TEC: variants seen among roughly 807,000 people sequenced by gnomAD.
TEC encodes the protein tec protein tyrosine kinase, also known as tyrosine-protein kinase Tec.
A neutral mutation model predicts 93.0 loss-of-function variants in TEC; 72 were observed. The observed-to-expected ratio is 0.77, with a 90% CI of 0.64 to 0.94. The LOEUF (loss-of-function observed/expected upper bound fraction) is 0.94, where lower values mean the gene tolerates loss of function less well. TEC is among the 40% of genes least tolerant of loss of function. The probability of loss-of-function intolerance (pLI) is 0.00; values close to 1 mark genes in which losing one functional copy is unlikely to be tolerated. For missense variants in TEC, 630 were observed against 757.9 expected (o/e 0.83, Z 1.98); for synonymous variants, 249 against 247.7 (o/e 1.01, Z -0.05).
At chr4:48,237,623 T>C (rs1265022157) in intron 1 of TEC, among the ~76,000 whole-genome samples, 3 of 152,308 alleles carry the variant, frequency 2.0e-5, no homozygotes, top group East Asian at 1.9e-4. Context: ...CTCATCTTAT[T>C]AGGTTAAGTC....
intron 1 of TEC, among the ~76,000 whole-genome samples, chr4:48,231,782 C>A (rs1006715996): frequency 1.3e-5 from 2 of 151,916 alleles, no homozygotes; most frequent in African/African-American, 4.8e-5. Context: ...AGAATGGATA[C>A]CAGGGAAGAG....
Position 48,173,783 on chromosome 4 carries a change from C to T in TEC, c.243+2299G>A, listed in dbSNP as rs181461969. On this transcript the variant is annotated intron_variant, in intron 3 of 17. Coordinates refer to ENST00000381501, the MANE Select transcript of TEC (RefSeq NM_003215.3). ...AAGGTAGACAGATCTGGGTTTGAAG[C>T]CCAGGGAAGACATGCCAGCTCCTGG... Among the ~76,000 whole-genome samples the T allele has an allele frequency of 5.3e-5, 8 of 152,234 alleles. No homozygotes were observed. In the East Asian group the frequency reaches 9.7e-4, roughly 18 times the overall value.
chr4:48,250,062 C>T (rs1724161814), intron 1 of TEC, among the ~76,000 whole-genome samples: 1 of 152,210 alleles, frequency 6.6e-6, no homozygotes, highest in African/African-American at 2.4e-5. Flanking sequence ...TTCTCCAGAA[C>T]CTCAGATTGC....
intron 1 of TEC, among the ~76,000 whole-genome samples, chr4:48,258,484 G>T (rs1724404790): frequency 6.6e-6 from 1 of 152,018 alleles, no homozygotes; most frequent in African/African-American, 2.4e-5. Context: ...ATAGACTTGA[G>T]ATCAACTGTT....
chr4:48,165,727 A>G, intron 7 of TEC, among the ~76,000 whole-genome samples: 1 of 152,352 alleles, frequency 6.6e-6, no homozygotes, highest in East Asian at 1.9e-4. Flanking sequence ...GGCTCATTTT[A>G]GTGTTAAATG....
At chr4:48,141,665 C>CT (rs146623960) in intron 14 of TEC, 88,421 of 291,012 alleles carry the variant, frequency 0.3, 11,466 homozygotes, top group Admixed American at 0.41. Flanking sequence ...TACCAATTGT[C>CT]TTTTTTTTTT....
chr4:48,266,160 C>T (rs1724634186), intron 1 of TEC, among the ~76,000 whole-genome samples: 1 of 152,246 alleles, frequency 6.6e-6, no homozygotes, highest in African/African-American at 2.4e-5. Context: ...TTTCAGGCAT[C>T]TACAGTCTCA....
chr4:48,164,641 G>A (rs1376093694), intron 7 of TEC, among the ~76,000 whole-genome samples: 1 of 152,156 alleles, frequency 6.6e-6, no homozygotes, highest in African/African-American at 2.4e-5. Context: ...CAGCAGTTAA[G>A]ATCTTAGCAT....
rs1720925588 is a variant in TEC, at chr4:48,167,720, C to A, written c.671+58G>T. The A allele has an allele frequency of 2.0e-6, 3 of 1,531,470 alleles. No individual in the cohort carries two copies. In the Admixed American group the frequency reaches 5.2e-5, roughly 26 times the overall value. 94.9% of individuals were successfully genotyped at this position (1,531,470 alleles called of 1,614,324 possible). A position where few individuals can be genotyped will look rare whatever the true frequency, so the allele number is the denominator to read the frequency against. ...ATAGTTACGACTTATCTACTTCTCA[C>A]TCAACACTTGACTCCCACCTACCCA... On this transcript the variant is annotated intron_variant, in intron 7 of 17. Coordinates refer to ENST00000381501, the MANE Select transcript of TEC (RefSeq NM_003215.3).
At chr4:48,206,406 C>T (rs1319228944) in intron 2 of TEC, among the ~76,000 whole-genome samples, 6 of 152,116 alleles carry the variant, frequency 3.9e-5, no homozygotes, top group African/African-American at 1.4e-4. Context: ...ACAAAGCACA[C>T]ACAGATGAGC....
chr4:48,189,998 A>T (rs578205323), intron 2 of TEC, among the ~76,000 whole-genome samples: 58 of 152,298 alleles, frequency 3.8e-4, no homozygotes, highest in African/African-American at 1.3e-3. Context: ...TGAAATATCT[A>T]CCATCTGTTT....
intron 2 of TEC, among the ~76,000 whole-genome samples, chr4:48,185,983 G>C (rs1427737883): frequency 6.6e-6 from 1 of 152,180 alleles, no homozygotes; most frequent in African/African-American, 2.4e-5. Flanking sequence ...TCAGCCTGCG[G>C]AGTGCCTGGG....
intron 2 of TEC, among the ~76,000 whole-genome samples, chr4:48,196,247 C>G (rs1041877827): frequency 1.3e-5 from 2 of 152,186 alleles, no homozygotes; most frequent in African/African-American, 2.4e-5. Flanking sequence ...CGTCTTAGAT[C>G]TCCCTGGGCT....
chr4:48,254,993 G>C (rs931292646), intron 1 of TEC, among the ~76,000 whole-genome samples: 20 of 152,218 alleles, frequency 1.3e-4, no homozygotes, highest in Admixed American at 6.5e-5. Context: ...ACCAAGGGCA[G>C]ACAGACAATA....
chr4:48,223,573 G>T (rs1278018258), intron 2 of TEC, among the ~76,000 whole-genome samples: 1 of 152,192 alleles, frequency 6.6e-6, no homozygotes, highest in African/African-American at 2.4e-5. Flanking sequence ...GAGAAATAAT[G>T]CATGTAAAGT....
chr4:48,142,749 T>C (rs2109504511), intron 14 of TEC, among the ~76,000 whole-genome samples: 1 of 152,118 alleles, frequency 6.6e-6, no homozygotes, highest in East Asian at 1.9e-4. Context: ...GGTGCGACCT[T>C]GGCTCACTGC....
At chr4:48,202,426 C>T (rs1464866855) in intron 2 of TEC, among the ~76,000 whole-genome samples, 4 of 151,758 alleles carry the variant, frequency 2.6e-5, no homozygotes, top group African/African-American at 9.7e-5. Context: ...ATTAGCTGGG[C>T]GTGGTGATGC....
rs189081106 is a variant in TEC, at chr4:48,195,595, G to A, written c.139-19409C>T. On this transcript the variant is annotated intron_variant, in intron 2 of 17. Transcript: ENST00000381501. ...TTAAAGTGCTCCATAATTAATTACAGAACCAGTGACTCTGCCAAAGTAATG... is the reference window on the plus strand; with the variant it reads ...TTAAAGTGCTCCATAATTAATTACAAAACCAGTGACTCTGCCAAAGTAATG... 7.7e-4 allele frequency among the ~76,000 whole-genome samples: 118 copies of A among 152,298 alleles called. 1 individual carries two copies. The highest frequency in any genetic ancestry group is 7.7e-3 in the South Asian group (37 of 4,820).
chr4:48,164,980 C>T (rs1720822842), intron 7 of TEC, among the ~76,000 whole-genome samples: 1 of 151,906 alleles, frequency 6.6e-6, no homozygotes, highest in Admixed American at 6.6e-5. Context: ...TCCAGCACTC[C>T]AGCCTGCGAG....
Sources: allele counts gnomAD v4.1 joint callset (sites outside exome capture counted in the v4.1 genomes callset), GRCh38; gene constraint gnomAD v4.1.1; transcripts MANE v1.5; gene names NCBI Gene and HGNC (gene_info 2026-07-23, HGNC 2026-07-21).